ARMH4: variants seen among roughly 807,000 people sequenced by gnomAD.
The protein encoded by ARMH4 is armadillo like helical domain containing 4.
ARMH4 carries 49 observed loss-of-function variants against 61.9 expected under a neutral mutation model. The ratio of observed to expected loss-of-function variants is 0.79; its 90% CI spans 0.63 to 1.00. ARMH4 has a LOEUF of 1.00. ARMH4 is among the 50% of genes least tolerant of loss of function. The probability of loss-of-function intolerance (pLI) is 0.00; values close to 1 mark genes in which losing one functional copy is unlikely to be tolerated. For missense variants in ARMH4, 934 were observed against 930.0 expected (o/e 1.00, Z -0.06); for synonymous variants, 368 against 341.5 (o/e 1.08, Z -0.85).
chr14:58,124,586 C>T lies in ARMH4; in HGVS notation c.1831+6926G>A, dbSNP rs965314412. ...ATATCAGGCTCTATTACTTGAAGGG[C>T]CAGTGCTGTGACTGCATACTTGTGC... On this transcript the variant is annotated intron_variant, in intron 4 of 7. Transcript: ENST00000267485. 2.6e-5 allele frequency among the ~76,000 whole-genome samples: 4 copies of T among 152,272 alleles called. No individual in the cohort carries two copies. In the East Asian group the frequency reaches 7.7e-4, roughly 29 times the overall value.
chr14:58,094,698 C>T lies in ARMH4; in HGVS notation c.2089+2026G>A, dbSNP rs138024248. Among the ~76,000 whole-genome samples the T allele has an allele frequency of 3.3e-5, 5 of 152,238 alleles. No individual in the cohort carries two copies. The East Asian group carries it at 9.6e-4, about 29-fold the overall frequency. On this transcript the variant is annotated intron_variant, in intron 5 of 7. Transcript: ENST00000267485. ...TAAGCCAGACACAAAATGGTATATA[C>T]CATATGATGTCATTTGTACAAAATT...
intron 5 of ARMH4, among the ~76,000 whole-genome samples, chr14:58,024,279 T>C (rs1882946737): frequency 6.6e-6 from 1 of 152,228 alleles, no homozygotes; most frequent in African/African-American, 2.4e-5. Flanking sequence ...ATCTTCTGCA[T>C]AACTTGCTGC....
rs184402147 is a variant in ARMH4, at chr14:58,144,991, C to T, written c.-56-5577G>A. Reference sequence around the variant, plus strand: ...ACTAAATTCTATCTATATAGTCGAACAGTCATAAAAGCTATAGAACTCTGT... The same window carrying T: ...ACTAAATTCTATCTATATAGTCGAATAGTCATAAAAGCTATAGAACTCTGT... On this transcript the variant is annotated intron_variant, in intron 1 of 7. Transcript: ENST00000267485. Among the ~76,000 whole-genome samples, 19 of 152,324 alleles carry T rather than the reference C, an allele frequency of 1.2e-4. No homozygotes were observed. The East Asian group carries it at 3.3e-3, about 26-fold the overall frequency.
intron 4 of ARMH4, among the ~76,000 whole-genome samples, chr14:58,109,205 A>G (rs1886266540): frequency 6.6e-6 from 1 of 152,202 alleles, no homozygotes; most frequent in Non-Finnish European, 1.5e-5. Flanking sequence ...TTTTTGTGTC[A>G]TATCTAAAAA....
intron 4 of ARMH4, among the ~76,000 whole-genome samples, chr14:58,111,707 G>C (rs1187125131): frequency 2.0e-5 from 3 of 150,530 alleles, no homozygotes; most frequent in Non-Finnish European, 4.4e-5. Flanking sequence ...TATTTCATTA[G>C]AGATGGTCTC....
At chr14:58,038,965 TGCATAGGTAACTGACAGTCCCAG>T (rs1480353278) in intron 5 of ARMH4, among the ~76,000 whole-genome samples, 6 of 152,034 alleles carry the variant, frequency 3.9e-5, no homozygotes, top group African/African-American at 1.2e-4. Flanking sequence ...GTCGTTGGGG[TGCATAGGTAACTGACAGTCCCAG>T]GCACCCACCA....
Position 58,085,084 on chromosome 14 carries a change from G to A in ARMH4, c.2089+11640C>T, listed in dbSNP as rs914983329. Among the ~76,000 whole-genome samples, 11 of 152,108 alleles carry A rather than the reference G, an allele frequency of 7.2e-5. No homozygotes were observed. In the South Asian group the frequency reaches 1.5e-3, roughly 20 times the overall value. On this transcript the variant is annotated intron_variant, in intron 5 of 7. Transcript: ENST00000267485. ...GCATTCTTTCTCTGATCCAGATTAA[G>A]TAAAACAAGTAAAATTTGGGAGACT...
chr14:58,064,150 C>T (rs370904732), intron 5 of ARMH4, among the ~76,000 whole-genome samples: 48 of 150,056 alleles, frequency 3.2e-4, no homozygotes, highest in Non-Finnish European at 5.4e-4. Context: ...TATCAAGAAA[C>T]GGTCACTTAT....
intron 4 of ARMH4, among the ~76,000 whole-genome samples, chr14:58,124,236 C>A (rs1329155792): frequency 6.6e-6 from 1 of 152,294 alleles, no homozygotes; most frequent in Middle Eastern, 3.4e-3. Context: ...CTAAAGAAGG[C>A]CCTAACCCAA....
chr14:58,062,953 T>C (rs956886794), intron 5 of ARMH4, among the ~76,000 whole-genome samples: 2 of 152,204 alleles, frequency 1.3e-5, no homozygotes, highest in Non-Finnish European at 2.9e-5. Context: ...TCCCTGGCAC[T>C]GCTGTAACAA....
intron 5 of ARMH4, among the ~76,000 whole-genome samples, chr14:58,047,771 G>A (rs1275415289): frequency 1.3e-5 from 2 of 152,156 alleles, no homozygotes; most frequent in African/African-American, 4.8e-5. Context: ...CAGTAATTAA[G>A]GAGCTTGGGT....
chr14:58,102,817 C>CAAAAA (rs398025219), intron 4 of ARMH4, among the ~76,000 whole-genome samples: 1 of 50,944 alleles, frequency 2.0e-5, no homozygotes, highest in Non-Finnish European at 3.5e-5. Flanking sequence ...GACTCCGTCT[C>CAAAAA]AAAAAAAAAA....
intron 4 of ARMH4, among the ~76,000 whole-genome samples, chr14:58,098,492 T>C (rs1885837499): frequency 2.0e-5 from 3 of 152,184 alleles, no homozygotes; most frequent in African/African-American, 7.2e-5. Flanking sequence ...GGCAAGAAGA[T>C]AGAAAACGCC....
chr14:58,061,861 G>C (rs1884541551), intron 5 of ARMH4, among the ~76,000 whole-genome samples: 1 of 152,066 alleles, frequency 6.6e-6, no homozygotes, highest in South Asian at 2.1e-4. Flanking sequence ...GTGGCCAGGG[G>C]ATGAGCCAGA....
chr14:58,032,867 G>T (rs372420954), intron 5 of ARMH4, among the ~76,000 whole-genome samples: 4 of 152,112 alleles, frequency 2.6e-5, no homozygotes, highest in African/African-American at 9.7e-5. Flanking sequence ...GGCGCACCAC[G>T]AGACTATATA....
chr14:58,080,372 A>G (rs978774398), intron 5 of ARMH4, among the ~76,000 whole-genome samples: 1 of 151,880 alleles, frequency 6.6e-6, no homozygotes, highest in Non-Finnish European at 1.5e-5. Context: ...CAGGTGATCC[A>G]CCCACCTCGG....
chr14:58,091,159 C>T (rs915145811), intron 5 of ARMH4, among the ~76,000 whole-genome samples: 1 of 152,038 alleles, frequency 6.6e-6, no homozygotes, highest in South Asian at 2.1e-4. Flanking sequence ...TTGTAGTGAG[C>T]CAAGATCACG....
At chr14:58,105,467 C>T (rs1252378587) in intron 4 of ARMH4, among the ~76,000 whole-genome samples, 2 of 152,168 alleles carry the variant, frequency 1.3e-5, no homozygotes, top group South Asian at 2.1e-4. Context: ...AGGTGGATCA[C>T]GACGAGGTCA....
intron 5 of ARMH4, among the ~76,000 whole-genome samples, chr14:58,041,482 G>A (rs1173574549): frequency 6.6e-6 from 1 of 152,212 alleles, no homozygotes; most frequent in African/African-American, 2.4e-5. Context: ...ACCAGCCACT[G>A]CAAAAATATG....
Sources: gnomAD v4.1 joint callset for allele counts (sites outside exome capture counted in the v4.1 genomes callset) on GRCh38, gnomAD v4.1.1 for gene constraint, MANE v1.5 for transcripts, NCBI Gene and HGNC (gene_info 2026-07-23, HGNC 2026-07-21) for gene names.